The following GPATCH2 variants were observed in gnomAD, a reference collection of about 807,000 sequenced individuals.
GPATCH2 encodes the protein G patch domain-containing protein 2.
A neutral mutation model predicts 58.0 loss-of-function variants in GPATCH2; 51 were observed. The ratio of observed to expected loss-of-function variants is 0.88; its 90% CI spans 0.70 to 1.11. The LOEUF is 1.11. GPATCH2 is among the 50% of genes most tolerant of loss of function. The pLI is 0.00. For missense variants in GPATCH2, 625 were observed against 652.2 expected, an observed-to-expected ratio of 0.96 and a Z score of 0.45; for synonymous variants, 222 against 218.5, an observed-to-expected ratio of 1.02 and a Z score of -0.14.
intron 2 of GPATCH2, among the ~76,000 whole-genome samples, chr1:217,616,320 T>C (rs1668884210): frequency 1.3e-5 from 2 of 152,190 alleles, no homozygotes; most frequent in Admixed American, 1.3e-4. Flanking sequence ...ACTTGTTGAA[T>C]TAAATTTAGA....
At chr1:217,464,853 T>C (rs983120435) in intron 8 of GPATCH2, among the ~76,000 whole-genome samples, 1 of 152,084 alleles carries the variant, frequency 6.6e-6, no homozygotes, top group African/African-American at 2.4e-5. Context: ...GTGTTGCAGA[T>C]ACATAAATAA....
At chr1:217,552,724 A>C (rs1211446163) in intron 5 of GPATCH2, among the ~76,000 whole-genome samples, 1 of 152,206 alleles carries the variant, frequency 6.6e-6, no homozygotes, top group Non-Finnish European at 1.5e-5. Flanking sequence ...AGGTCTACAG[A>C]GATGAAATAC....
chr1:217,574,920 T>C (rs1347075469), intron 5 of GPATCH2, among the ~76,000 whole-genome samples: 1 of 152,206 alleles, frequency 6.6e-6, no homozygotes, highest in Non-Finnish European at 1.5e-5. Context: ...CAATCTCATA[T>C]ATTCAGTACC....
At chr1:217,549,400 A>C (rs1228792255) in intron 5 of GPATCH2, among the ~76,000 whole-genome samples, 1 of 152,192 alleles carries the variant, frequency 6.6e-6, no homozygotes, top group African/African-American at 2.4e-5. Flanking sequence ...TGAAGATGGC[A>C]AATACTGCTT....
intron 5 of GPATCH2, among the ~76,000 whole-genome samples, chr1:217,607,333 G>A (rs952671148): frequency 2.0e-5 from 3 of 152,044 alleles, no homozygotes. Flanking sequence ...GTAAACATAT[G>A]TCCCTTTTGT....
intron 5 of GPATCH2, among the ~76,000 whole-genome samples, chr1:217,571,703 C>CAAAAAAAAAAAA (rs11463536): frequency 7.3e-4 from 54 of 73,778 alleles, no homozygotes; most frequent in East Asian, 3.1e-3. Context: ...AAAACGAAAC[C>CAAAAAAAAAAAA]AAAAAAAAAA....
chr1:217,593,933 A>G lies in GPATCH2; in HGVS notation c.1098+16388T>C, dbSNP rs543935752. ...TAAAAATTAAAGATTAAAACAGGAT[A>G]TTTAATTAGAATCTTTTAATTTTGT... On this transcript the variant is annotated intron_variant, in intron 5 of 9. Transcript: ENST00000366935. 2.0e-4 allele frequency among the ~76,000 whole-genome samples: 30 copies of G among 152,242 alleles called. 1 individual carries two copies. In the South Asian group the frequency reaches 6.2e-3, roughly 32 times the overall value.
At chr1:217,560,862 A>G (rs1042935591) in intron 5 of GPATCH2, among the ~76,000 whole-genome samples, 1 of 152,204 alleles carries the variant, frequency 6.6e-6, no homozygotes, top group Non-Finnish European at 1.5e-5. Flanking sequence ...CTAATCAGTT[A>G]AAGTTTTCAT....
intron 5 of GPATCH2, among the ~76,000 whole-genome samples, chr1:217,607,710 T>G (rs1668427464): frequency 6.6e-6 from 1 of 152,238 alleles, no homozygotes; most frequent in African/African-American, 2.4e-5. Context: ...AATTCAATGT[T>G]TTCAGCAAGT....
At chr1:217,548,152 T>C (rs1187882733) in intron 5 of GPATCH2, among the ~76,000 whole-genome samples, 2 of 152,076 alleles carry the variant, frequency 1.3e-5, no homozygotes, top group Non-Finnish European at 2.9e-5. Context: ...AATACGCTAA[T>C]ATAGGAACAG....
At chr1:217,449,407 C>T (rs1659554286) in intron 8 of GPATCH2, 70 bp from the exon 9 acceptor site, 1 of 892,454 alleles carries the variant, frequency 1.1e-6, no homozygotes, top group South Asian at 1.4e-5. Context: ...CAGCTTGTAT[C>T]ATCTGAACCT....
chr1:217,450,637 CTG>C (rs1659619274), intron 8 of GPATCH2, among the ~76,000 whole-genome samples: 1 of 152,044 alleles, frequency 6.6e-6, no homozygotes, highest in Admixed American at 6.6e-5. Context: ...CATACTGTTT[CTG>C]TTACAAAATA....
rs1157770357 is a variant in GPATCH2 at position 217,614,220 on chromosome 1, A to T, written c.774-18T>A. 6.8e-7 allele frequency: 1 copy of T among 1,465,994 alleles called. No homozygotes were observed. The highest frequency in any genetic ancestry group is 9.5e-7 in the Non-Finnish European group (1 of 1,049,742). The allele number at this position is 1,465,994 out of a possible 1,614,324, so 90.8% of individuals were successfully genotyped here. A position where few individuals can be genotyped will look rare whatever the true frequency, so the allele number is the denominator to read the frequency against. ...TGGAATCACTGTAATAAGGAAAAAGAAAGAAACAGATCAAAAGAACAATTG... is the reference window on the plus strand; with the variant it reads ...TGGAATCACTGTAATAAGGAAAAAGTAAGAAACAGATCAAAAGAACAATTG... On this transcript the variant is annotated intron_variant, in intron 2 of 9. Transcript: ENST00000366935.
intron 1 of GPATCH2, among the ~76,000 whole-genome samples, chr1:217,625,633 A>C (rs546755229): frequency 6.6e-6 from 1 of 152,224 alleles, no homozygotes; most frequent in Non-Finnish European, 1.5e-5. Flanking sequence ...GCTGATAAAA[A>C]CTGTGTAACA....
Position 217,579,643 on chromosome 1 carries a change from C to T in GPATCH2, c.1098+30678G>A, listed in dbSNP as rs111863656. 7.2e-4 allele frequency among the ~76,000 whole-genome samples: 110 copies of T among 152,236 alleles called. 1 individual carries two copies. Among genetic ancestry groups the T allele is most frequent in the African/African-American group, 2.6e-3 (107 of 41,548 alleles). ...ATGAATGCCAAATCCTAAATTCTGA[C>T]CACCAAAATACTTACTTTTTATGTC... is the stretch of plus-strand genomic sequence containing the variant. On this transcript the variant is annotated intron_variant, in intron 5 of 9. Transcript: ENST00000366935.
At chr1:217,531,724 A>G (rs1664198787) in intron 5 of GPATCH2, among the ~76,000 whole-genome samples, 1 of 152,220 alleles carries the variant, frequency 6.6e-6, no homozygotes, top group Non-Finnish European at 1.5e-5. Flanking sequence ...AGAGGAAAAA[A>G]GAATACAAGA....
At chr1:217,537,405 G>C (rs1428971937) in intron 5 of GPATCH2, among the ~76,000 whole-genome samples, 1 of 151,968 alleles carries the variant, frequency 6.6e-6, no homozygotes, top group African/African-American at 2.4e-5. Flanking sequence ...ATTATCTTAA[G>C]TATGAGATAG....
At chr1:217,630,813 A>T in intron 1 of GPATCH2, 103 bp downstream of exon 1, 1 of 802,940 alleles carries the variant, frequency 1.2e-6, no homozygotes, top group African/African-American at 1.7e-5. Context: ...TCTTCAGATC[A>T]TCCATCACAG....
chr1:217,584,403 C>A (rs1274412413), intron 5 of GPATCH2, among the ~76,000 whole-genome samples: 1 of 147,394 alleles, frequency 6.8e-6, no homozygotes, highest in Non-Finnish European at 1.5e-5. Context: ...TTGGCAGGCA[C>A]CCGTAATCCC....
Sources: allele counts gnomAD v4.1 joint callset (sites outside exome capture counted in the v4.1 genomes callset), GRCh38; gene constraint gnomAD v4.1.1; transcripts MANE v1.5; gene names NCBI Gene and HGNC (gene_info 2026-07-23, HGNC 2026-07-21).